The following SLC1A1 variants were observed in gnomAD, a reference collection of about 807,000 sequenced individuals.
The protein encoded by SLC1A1 is solute carrier family 1 member 1.
A neutral mutation model predicts 53.3 loss-of-function variants in SLC1A1; 43 were observed. The observed-to-expected ratio is 0.81, with a 90% CI of 0.63 to 1.04. The LOEUF is 1.04. SLC1A1 is among the 50% of genes least tolerant of loss of function. The pLI is 0.00. For missense variants in SLC1A1, 748 were observed against 664.9 expected (o/e 1.12, Z -1.37); for synonymous variants, 307 against 243.2 (o/e 1.26, Z -2.44).
At chr9:4,519,063 A>G (rs1815971511) in intron 1 of SLC1A1, among the ~76,000 whole-genome samples, 1 of 152,208 alleles carries the variant, frequency 6.6e-6, no homozygotes, top group Non-Finnish European at 1.5e-5. Context: ...TGATGTTTGC[A>G]GAACTGTTTA....
rs1034031862 is a variant in SLC1A1, at chr9:4,549,900, A to G, written c.232+5193A>G. On this transcript the variant is annotated intron_variant, in intron 2 of 11. Transcript: ENST00000262352. The surrounding 1 kb of genome is among the most constrained non-coding windows in gnomAD (Gnocchi z 4.1). ...GCACATTTCTTCCTCCAGAGCAAGG[A>G]GTTGCTCATTCCTAACCCTTCCTGT... is the stretch of plus-strand genomic sequence containing the variant. Among the ~76,000 whole-genome samples the G allele has an allele frequency of 1.3e-5, 2 of 152,136 alleles. No individual in the cohort carries two copies. The highest frequency in any genetic ancestry group is 4.8e-5 in the African/African-American group (2 of 41,434).
chr9:4,533,171 C>A (rs1470808298), intron 1 of SLC1A1, among the ~76,000 whole-genome samples: 2 of 152,088 alleles, frequency 1.3e-5, no homozygotes, highest in Admixed American at 1.3e-4. Context: ...AGCAAAATAA[C>A]CAGCTAAGAT....
At chr9:4,518,495 T>A (rs1815945029) in intron 1 of SLC1A1, among the ~76,000 whole-genome samples, 1 of 152,028 alleles carries the variant, frequency 6.6e-6, no homozygotes, top group Non-Finnish European at 1.5e-5. Context: ...GCTTCCCTAA[T>A]AGCTGGGATT....
chr9:4,581,762 C>T (rs186462940), intron 10 of SLC1A1, among the ~76,000 whole-genome samples: 2 of 152,232 alleles, frequency 1.3e-5, no homozygotes, highest in Admixed American at 6.5e-5. Context: ...ATTGGTACAG[C>T]CCCAGAAATC....
At position 4,558,167 on chromosome 9, in the gene SLC1A1, G is replaced by T. The variant is rs142725717; in HGVS notation, c.233-3282G>T. Among the ~76,000 whole-genome samples, 4 of 152,248 alleles carry T rather than the reference G, an allele frequency of 2.6e-5. No individual in the cohort carries two copies. The East Asian group carries it at 7.7e-4, about 29-fold the overall frequency. Reference sequence around the variant, plus strand: ...AAGTTCTGTAATGTTCCTATTTATAGAGGTTTTCAAAGATTAGGCTGTTTC... The same window carrying T: ...AAGTTCTGTAATGTTCCTATTTATATAGGTTTTCAAAGATTAGGCTGTTTC... On this transcript the variant is annotated intron_variant, in intron 2 of 11. Transcript: ENST00000262352.
intron 1 of SLC1A1, among the ~76,000 whole-genome samples, chr9:4,506,746 T>C (rs1311011018): frequency 6.6e-6 from 1 of 152,178 alleles, no homozygotes; most frequent in Non-Finnish European, 1.5e-5. Context: ...GTAGGCTTCC[T>C]GAAGCCTATT....
At chr9:4,494,180 A>G (rs1820331165) in intron 1 of SLC1A1, among the ~76,000 whole-genome samples, 1 of 152,220 alleles carries the variant, frequency 6.6e-6, no homozygotes, top group Non-Finnish European at 1.5e-5. Flanking sequence ...GAATGAGCAC[A>G]GAGCCTGGAG....
At chr9:4,580,884 T>A (rs1821037984) in intron 10 of SLC1A1, among the ~76,000 whole-genome samples, 1 of 152,150 alleles carries the variant, frequency 6.6e-6, no homozygotes, top group Non-Finnish European at 1.5e-5. Flanking sequence ...GGCACGTTTT[T>A]AATCTTTTTG....
At chr9:4,497,713 A>C (rs1360424237) in intron 1 of SLC1A1, among the ~76,000 whole-genome samples, 1 of 152,188 alleles carries the variant, frequency 6.6e-6, no homozygotes, top group African/African-American at 2.4e-5. Flanking sequence ...TCAAAACTAG[A>C]TTACAGACCC....
At chr9:4,544,799 G>A (rs975263805) in intron 2 of SLC1A1, 92 bp downstream of exon 2, 2 of 1,091,472 alleles carry the variant, frequency 1.8e-6, no homozygotes, top group Non-Finnish European at 2.8e-6. Flanking sequence ...AAAGGAAAGA[G>A]GTTTAATTGA....
rs113177004 is a variant in SLC1A1, at chr9:4,583,882, TCACACACACACACA to T, written c.1328+727_1328+740del. 7.3e-6 allele frequency among the ~76,000 whole-genome samples: 1 copy of T among 137,046 alleles called. No individual in the cohort carries two copies. Among genetic ancestry groups the T allele is most frequent in the Non-Finnish European group, 1.6e-5 (1 of 63,518 alleles). The allele number at this position is 137,046 out of a possible 152,430, so 89.9% of individuals were successfully genotyped here. ...CTCTCTCTCTCTCTCTCTCTCTCTC[TCACACACACACACA>T]CACACACACACACACATATGGAATA... On this transcript the variant is annotated intron_variant, in intron 11 of 11. Transcript: ENST00000262352. The surrounding 1 kb of genome is among the most constrained non-coding windows in gnomAD (Gnocchi z 4.6).
chr9:4,560,862 G>A (rs1213565737), intron 2 of SLC1A1, among the ~76,000 whole-genome samples: 1 of 152,070 alleles, frequency 6.6e-6, no homozygotes, highest in Non-Finnish European at 1.5e-5. Context: ...TGGGTGTGGT[G>A]GTGTGCACCT....
At chr9:4,509,011 G>A (rs1820901173) in intron 1 of SLC1A1, among the ~76,000 whole-genome samples, 1 of 152,098 alleles carries the variant, frequency 6.6e-6, no homozygotes, top group Non-Finnish European at 1.5e-5. Flanking sequence ...AGGGTCCAGA[G>A]GAGAGATTCT....
At chr9:4,532,165 G>C (rs1171977722) in intron 1 of SLC1A1, among the ~76,000 whole-genome samples, 1 of 152,178 alleles carries the variant, frequency 6.6e-6, no homozygotes, top group Admixed American at 6.5e-5. Flanking sequence ...TCCTCCAAAG[G>C]AACGCAGCTC....
intron 1 of SLC1A1, among the ~76,000 whole-genome samples, chr9:4,536,990 C>T (rs1252850384): frequency 2.0e-5 from 3 of 151,546 alleles, no homozygotes; most frequent in Admixed American, 2.0e-4. Context: ...GGGAATTGAA[C>T]AATGAGAACA....
At chr9:4,550,414 A>G (rs889542420) in intron 2 of SLC1A1, among the ~76,000 whole-genome samples, 8 of 152,302 alleles carry the variant, frequency 5.3e-5, no homozygotes, top group South Asian at 2.1e-4. Context: ...GTGGGAAGAC[A>G]GGGTCTCATT....
intron 1 of SLC1A1, among the ~76,000 whole-genome samples, chr9:4,525,306 C>T (rs1816219371): frequency 6.6e-6 from 1 of 152,158 alleles, no homozygotes; most frequent in Non-Finnish European, 1.5e-5. Context: ...TTATACTTCC[C>T]TCAGTGCATC....
chr9:4,555,223 T>C (rs1441354451), intron 2 of SLC1A1, among the ~76,000 whole-genome samples: 2 of 152,214 alleles, frequency 1.3e-5, no homozygotes, highest in South Asian at 2.1e-4. Flanking sequence ...TTTTAACTCC[T>C]ATGCAACAAT....
chr9:4,578,257 C>G (rs1195400741), intron 10 of SLC1A1, among the ~76,000 whole-genome samples: 1 of 152,178 alleles, frequency 6.6e-6, no homozygotes, highest in African/African-American at 2.4e-5. Flanking sequence ...TCATGATTAG[C>G]TGTGATCTTG....
Sources: allele counts gnomAD v4.1 joint callset (sites outside exome capture counted in the v4.1 genomes callset), GRCh38; gene constraint gnomAD v4.1.1; non-coding constraint Gnocchi (gnomAD v3.1); transcripts MANE v1.5; gene names NCBI Gene and HGNC (gene_info 2026-07-23, HGNC 2026-07-21).